The following MFF variants were observed in gnomAD, a reference collection of about 807,000 sequenced individuals.
MFF encodes mitochondrial fission factor.
A neutral mutation model predicts 36.9 loss-of-function variants in MFF; 12 were observed. That is an observed-to-expected ratio of 0.33 (90% CI 0.21 to 0.53). The LOEUF is 0.53. Ranked by LOEUF, MFF falls within the 20% of genes least tolerant of loss-of-function variation. The pLI, the probability that MFF is intolerant of heterozygous loss-of-function variation, is 0.95. For synonymous variants in MFF, 99 were observed against 126.2 expected (o/e 0.78, Z 1.44); for missense variants, 348 against 366.6 (o/e 0.95, Z 0.42).
chr2:227,334,219 C>T (rs377209183), intron 4 of MFF, among the ~76,000 whole-genome samples: 9 of 152,256 alleles, frequency 5.9e-5, no homozygotes, highest in East Asian at 1.9e-4. Flanking sequence ...TGTTCTAATT[C>T]GTGTTAAAAG....
intron 6 of MFF, among the ~76,000 whole-genome samples, chr2:227,349,624 G>T (rs1227586406): frequency 1.3e-5 from 2 of 152,016 alleles, no homozygotes; most frequent in Non-Finnish European, 1.5e-5. Context: ...TTTTAAAGTT[G>T]TATTCACTTA....
chr2:227,352,602 G>T lies in MFF; in HGVS notation c.659+29G>T, dbSNP rs778008526. 3 of 1,445,886 alleles carry T rather than the reference G, an allele frequency of 2.1e-6. No individual in the cohort carries two copies. The South Asian group carries it at 3.9e-5, about 19-fold the overall frequency. The allele number at this position is 1,445,886 out of a possible 1,614,324, so 89.6% of individuals were successfully genotyped here. On this transcript the variant is annotated intron_variant, in intron 7 of 8. Transcript: ENST00000304593. ...AATTTTGAGACTTCGTAATTACCAG[G>T]GTAAATGCTTGGCGGAATTTGTGTG...
intron 6 of MFF, among the ~76,000 whole-genome samples, chr2:227,349,013 A>T (rs1412728486): frequency 6.6e-6 from 1 of 152,180 alleles, no homozygotes; most frequent in East Asian, 1.9e-4. Context: ...TTTTAATTAC[A>T]ATAAGTCCTT....
At position 227,332,441 on chromosome 2, in the gene MFF, T is replaced by G. The variant is rs751129916; in HGVS notation, c.204T>G (p.Phe68Leu). The part of the protein sequence containing the change: ...VVAGNNEDVS[F>L]SRPADLDLIQ... ...TAGGAAATAATGAAGATGTTTCATTTTCAAGACCAGCAGATCTTGACCTTA... is the reference window on the plus strand; with the variant it reads ...TAGGAAATAATGAAGATGTTTCATTGTCAAGACCAGCAGATCTTGACCTTA... The change falls in exon 4 of 9, where the codon TTT (phenylalanine) becomes TTG (leucine). Residue 68 changes from phenylalanine to leucine, a missense_variant. Phe to Leu is a conservative substitution (Grantham distance 22, BLOSUM62 0). Coordinates refer to ENST00000304593, the MANE Select transcript of MFF (RefSeq NM_001277062.2). The G allele has an allele frequency of 1.2e-5, 19 of 1,608,068 alleles. No homozygotes were observed. Among genetic ancestry groups the G allele is most frequent in the Non-Finnish European group, 1.6e-5 (19 of 1,178,250 alleles).
intron 4 of MFF, among the ~76,000 whole-genome samples, chr2:227,334,048 TTGTG>T (rs1182401701): frequency 2.6e-5 from 4 of 152,166 alleles, no homozygotes; most frequent in Non-Finnish European, 4.4e-5. Flanking sequence ...GTAAAAAAGT[TTGTG>T]TGAGAATTAG....
At chr2:227,332,642 A>C in intron 4 of MFF, 54 bp downstream of exon 4, 6 of 1,344,186 alleles carry the variant, frequency 4.5e-6, no homozygotes, top group Non-Finnish European at 6.2e-6. Flanking sequence ...CAAAGGTAAA[A>C]GAGAAGAGCA....
chr2:227,346,396 A>G (rs144567169), intron 5 of MFF: 1 of 165,658 alleles, frequency 6.0e-6, no homozygotes, highest in Non-Finnish European at 1.5e-5. Context: ...ACAGATCTTA[A>G]GAGTTTAGGT....
intron 4 of MFF, among the ~76,000 whole-genome samples, chr2:227,336,976 A>G (rs2075053511): frequency 6.6e-6 from 1 of 152,218 alleles, no homozygotes; most frequent in South Asian, 2.1e-4. Flanking sequence ...CAAGAACTTC[A>G]TGAATATGGG....
At chr2:227,326,478 T>C (rs1343511438) in intron 1 of MFF, among the ~76,000 whole-genome samples, 3 of 152,204 alleles carry the variant, frequency 2.0e-5, no homozygotes, top group Non-Finnish European at 2.9e-5. Context: ...TTCTATCTTT[T>C]GGTTTCAAAG....
chr2:227,328,309 A>C (rs1278763891), intron 1 of MFF, among the ~76,000 whole-genome samples: 2 of 147,504 alleles, frequency 1.4e-5, no homozygotes, highest in East Asian at 3.9e-4. Context: ...AAAAAAAAAA[A>C]AAAAAAAAAA....
chr2:227,341,257 G>A (rs1227158246), intron 5 of MFF, among the ~76,000 whole-genome samples: 2 of 150,964 alleles, frequency 1.3e-5, no homozygotes, highest in African/African-American at 4.9e-5. Flanking sequence ...TTTTGTTGGG[G>A]TTAGGGTCAT....
At chr2:227,345,001 A>C (rs931811413) in intron 5 of MFF, among the ~76,000 whole-genome samples, 1 of 152,130 alleles carries the variant, frequency 6.6e-6, no homozygotes, top group Non-Finnish European at 1.5e-5. Context: ...ATTGTATTCC[A>C]ATTTCATGTG....
rs1312688256 is a variant in MFF at position 227,357,058 on chromosome 2, A to G, written c.817A>G (p.Met273Val). The stretch of plus-strand genomic sequence containing the variant: ...AGAACGTGCTAAAAGAGAAATGGTC[A>G]TGTATTCAATTACTGTAGCTTTCTG... Reference protein sequence around the residue: ...NKERAKREMVMYSITVAFWLL... With the variant: ...NKERAKREMVVYSITVAFWLL... Residue 273 changes from methionine to valine, a missense_variant, in exon 9 of 9, where the codon ATG (methionine) becomes GTG (valine). By Grantham distance (21) the Met-to-Val change is conservative. Transcript: ENST00000304593. 2.5e-6 allele frequency: 4 copies of G among 1,612,666 alleles called. No individual in the cohort carries two copies. Among genetic ancestry groups the G allele is most frequent in the South Asian group, 1.1e-5 (1 of 91,032 alleles).
rs1363681607 is a variant in MFF, at chr2:227,357,686, T to C, written c.*569T>C. ...AATTTCTAACATTGCAGCAGTTTCA[T>C]ATGTGTGCAATATGTGCATTCTTTC... is the stretch of plus-strand genomic sequence containing the variant. On this transcript the variant is annotated 3_prime_UTR_variant, in exon 9 of 9. Coordinates refer to ENST00000304593, the MANE Select transcript of MFF (RefSeq NM_001277062.2). The C allele has an allele frequency of 6.6e-6, 1 of 152,422 alleles. No individual in the cohort carries two copies. Among genetic ancestry groups the C allele is most frequent in the Admixed American group, 6.5e-5 (1 of 15,306 alleles). 9.4% of individuals were successfully genotyped at this position (152,422 alleles called of 1,614,324 possible). A position where few individuals can be genotyped will look rare whatever the true frequency, so the allele number is the denominator to read the frequency against.
At chr2:227,325,458 C>CT (rs1205777861) in intron 1 of MFF, 31 bp downstream of exon 1, 4 of 152,712 alleles carry the variant, frequency 2.6e-5, no homozygotes, top group Non-Finnish European at 5.8e-5. Context: ...GACCCGCGAC[C>CT]TGCCGCCCGA....
intron 1 of MFF, among the ~76,000 whole-genome samples, chr2:227,328,308 AAAAAAAAAAAAAC>A (rs1333983074): frequency 1.4e-5 from 2 of 147,136 alleles, no homozygotes; most frequent in Non-Finnish European, 3.0e-5. Context: ...AAAAAAAAAA[AAAAAAAAAAAAAC>A]CAATTCATTT....
In MFF at chr2:227,326,420, G is replaced by C. The variant is rs374444426; in HGVS notation, c.-153+993G>C. 3.3e-5 allele frequency among the ~76,000 whole-genome samples: 5 copies of C among 152,224 alleles called. No individual in the cohort carries two copies. In the East Asian group the frequency reaches 7.7e-4, roughly 24 times the overall value. On this transcript the variant is annotated intron_variant, in intron 1 of 8. Transcript: ENST00000304593. ...CCCTTAGGAAAATTAGGACGATTTA[G>C]TTATACTTAGTAGTCTTTTCCCATG...
rs1055138078 is a variant in MFF at position 227,357,671 on chromosome 2, A to T, written c.*554A>T. On this transcript the variant is annotated 3_prime_UTR_variant, in exon 9 of 9. Transcript: ENST00000304593. Reference sequence around the variant, plus strand: ...GTACTTGTACAGATTAATTTCTAACATTGCAGCAGTTTCATATGTGTGCAA... The same window carrying T: ...GTACTTGTACAGATTAATTTCTAACTTTGCAGCAGTTTCATATGTGTGCAA... 2.0e-5 allele frequency: 3 copies of T among 152,430 alleles called. No homozygotes were observed. Among genetic ancestry groups the T allele is most frequent in the East Asian group, 3.8e-4 (2 of 5,196 alleles). The allele number at this position is 152,430 out of a possible 1,614,324, so 9.4% of individuals were successfully genotyped here. A position where few individuals can be genotyped will look rare whatever the true frequency, so the allele number is the denominator to read the frequency against.
In MFF at chr2:227,332,406, T is replaced by G; in HGVS notation, c.182-13T>G. On this transcript the variant is annotated splice_polypyrimidine_tract_variant and intron_variant, in intron 3 of 8. Coordinates refer to ENST00000304593, the MANE Select transcript of MFF (RefSeq NM_001277062.2). ...CTTTTCTCTTCTTTGTCTCTTTTCTTGAAAACTCCTAGGAAATAATGAAGA... is the reference window on the plus strand; with the variant it reads ...CTTTTCTCTTCTTTGTCTCTTTTCTGGAAAACTCCTAGGAAATAATGAAGA... 6.7e-7 allele frequency: 1 copy of G among 1,494,236 alleles called. No individual in the cohort carries two copies. Among genetic ancestry groups the G allele is most frequent in the African/African-American group, 1.7e-5 (1 of 58,748 alleles). 92.6% of individuals were successfully genotyped at this position (1,494,236 alleles called of 1,614,324 possible).
Sources: gnomAD v4.1 joint callset for allele counts (sites outside exome capture counted in the v4.1 genomes callset) on GRCh38, gnomAD v4.1.1 for gene constraint, MANE v1.5 for transcripts, NCBI Gene and HGNC (gene_info 2026-07-23, HGNC 2026-07-21) for gene names.